The following PWWP2A variants were observed in gnomAD, a reference collection of about 807,000 sequenced individuals.
PWWP2A encodes PWWP domain containing 2A, also known as PWWP domain-containing protein 2A.
In PWWP2A, 18 loss-of-function variants were observed where a neutral mutation model predicts 48.5. The ratio of observed to expected loss-of-function variants is 0.37; its 90% CI spans 0.26 to 0.55. The LOEUF is 0.55. Ranked by LOEUF, PWWP2A falls within the 20% of genes least tolerant of loss-of-function variation. PWWP2A has a pLI of 0.81. For synonymous variants in PWWP2A, 396 were observed against 387.7 expected (o/e 1.02, Z -0.25); for missense variants, 867 against 976.4 (o/e 0.89, Z 1.49).
At chr5:160,079,516 C>T (rs1317564585) in intron 3 of PWWP2A, among the ~76,000 whole-genome samples, 2 of 151,970 alleles carry the variant, frequency 1.3e-5, no homozygotes, top group African/African-American at 4.8e-5. Context: ...AGATACTGTA[C>T]TAATATGATT....
At chr5:160,117,198 G>C (rs939167966) in intron 1 of PWWP2A, among the ~76,000 whole-genome samples, 2 of 152,200 alleles carry the variant, frequency 1.3e-5, no homozygotes, top group African/African-American at 4.8e-5. Context: ...AGTGGCTCAC[G>C]CCTGTAATTT....
rs1251674907 is a variant in PWWP2A at position 160,118,953 on chromosome 5, G to A, written c.436C>T (p.Pro146Ser). 1.3e-6 allele frequency: 2 copies of A among 1,599,240 alleles called. No homozygotes were observed. Among genetic ancestry groups the A allele is most frequent in the South Asian group, 1.1e-5 (1 of 89,650 alleles). The change falls in exon 1 of 2, where the codon CCG becomes TCG. Residue 146 changes from proline to serine, a missense_variant. Transcript: ENST00000307063. ...GACACCGTGGAGTCCCCGCCCGCCG[G>A]CGGCACGAGCGCCGGGGCTACGGGC... ...PQPVAPALVP[P>S]AGGDSTVSQL... is the part of the protein sequence containing the mutation.
chr5:160,051,025 T>G, the PWWP2A span: 2 of 891,996 alleles, frequency 2.2e-6, no homozygotes, highest in Non-Finnish European at 1.7e-6. Context: ...AACTTGATCT[T>G]ATTTCCACAT....
intron 1 of PWWP2A, among the ~76,000 whole-genome samples, chr5:160,096,273 G>C (rs917599321): frequency 5.9e-5 from 9 of 151,866 alleles, no homozygotes; most frequent in African/African-American, 2.2e-4. Context: ...AGTCCAAAAA[G>C]GAAAGGTACC....
intron 1 of PWWP2A, among the ~76,000 whole-genome samples, chr5:160,113,979 C>T (rs1482429766): frequency 6.6e-6 from 1 of 152,012 alleles, no homozygotes. Context: ...CCATTTCCTC[C>T]TGTGTAAATT....
the PWWP2A span, among the ~76,000 whole-genome samples, chr5:160,045,513 CATACACA>C: frequency 2.0e-5 from 1 of 50,320 alleles, no homozygotes; most frequent in Non-Finnish European, 3.9e-5. Context: ...CACACACACA[CATACACA>C]CTCTCTCTCT....
intron 1 of PWWP2A, among the ~76,000 whole-genome samples, chr5:160,099,024 T>C (rs1042029316): frequency 1.3e-5 from 2 of 152,192 alleles, no homozygotes; most frequent in Non-Finnish European, 1.5e-5. Context: ...CCTCGGAGTG[T>C]TTGCAGTGGA....
the PWWP2A span, among the ~76,000 whole-genome samples, chr5:160,052,710 C>G: frequency 6.6e-6 from 1 of 152,250 alleles, no homozygotes; most frequent in Admixed American, 6.5e-5. Flanking sequence ...CAAACTGAAT[C>G]TTACTGCCTA....
At chr5:160,065,126 G>C (rs942702432) in intron 4 of PWWP2A, 7 of 1,581,294 alleles carry the variant, frequency 4.4e-6, no homozygotes, top group Non-Finnish European at 6.0e-6. Flanking sequence ...TGTTAGCTAG[G>C]GGAAAGGCCC....
At chr5:160,118,305 G>A (rs997149328) in intron 1 of PWWP2A, among the ~76,000 whole-genome samples, 3 of 152,126 alleles carry the variant, frequency 2.0e-5, no homozygotes, top group African/African-American at 7.2e-5. Context: ...TCTTCCCCCT[G>A]TAAGGAGTGA....
At chr5:160,045,219 C>T in the PWWP2A span, among the ~76,000 whole-genome samples, 1 of 152,030 alleles carries the variant, frequency 6.6e-6, no homozygotes, top group Non-Finnish European at 1.5e-5. Flanking sequence ...CCATATGAAA[C>T]AGTTTACTTC....
downstream of PWWP2A, among the ~76,000 whole-genome samples, chr5:160,088,238 G>GT (rs897152620): frequency 6.6e-6 from 1 of 152,014 alleles, no homozygotes; most frequent in Non-Finnish European, 1.5e-5. Context: ...GTTTTGTTTT[G>GT]TTTTTTGGGA....
At chr5:160,066,280 C>CTAGAAAGTG (rs1753604308) in intron 4 of PWWP2A, among the ~76,000 whole-genome samples, 1 of 125,766 alleles carries the variant, frequency 8.0e-6, no homozygotes, top group Non-Finnish European at 1.6e-5. Context: ...CAGCATTATG[C>CTAGAAAGTG]TAGAAAGTGG....
intron 2 of PWWP2A, among the ~76,000 whole-genome samples, chr5:160,086,301 T>C (rs1754634280): frequency 6.6e-6 from 1 of 151,972 alleles, no homozygotes; most frequent in Admixed American, 6.5e-5. Context: ...AAGTTATTGC[T>C]TGAGCCCAGG....
chr5:160,069,961 CTG>C (rs1303462017), intron 2 of PWWP2A, among the ~76,000 whole-genome samples: 1 of 152,234 alleles, frequency 6.6e-6, no homozygotes, highest in African/African-American at 2.4e-5. Context: ...TATTCCCACA[CTG>C]TATCGTAACT....
In PWWP2A at chr5:160,119,255, G is replaced by A; in HGVS notation, c.134C>T (p.Thr45Ile). 7.1e-7 allele frequency: 1 copy of A among 1,410,196 alleles called. No individual in the cohort carries two copies. The highest frequency in any genetic ancestry group is 9.2e-7 in the Non-Finnish European group (1 of 1,092,824). The allele number at this position is 1,410,196 out of a possible 1,614,324, so 87.4% of individuals were successfully genotyped here. ...CTCGCCATCCGGCACAGACGCTTCA[G>A]TGGCCGTGACCGGGAGGGGGTCAGT... ...AGTDPLPVTA[T>I]EASVPDGETD... Residue 45 changes from threonine (T) to isoleucine (I), a missense_variant, in exon 1 of 2, where the codon ACT becomes ATT. Thr to Ile is a moderately conservative substitution (Grantham distance 89). Coordinates refer to ENST00000307063, the MANE Select transcript of PWWP2A (RefSeq NM_001130864.2).
rs188061374 is a variant in PWWP2A at position 160,066,263 on chromosome 5, G to A, written c.*236+285C>T. On this transcript the variant is annotated intron_variant and NMD_transcript_variant, in intron 4 of 5. Coordinates refer to the PWWP2A transcript ENST00000524050. ...TGGTAGTCAGTGTTCGGTGCTTCCT[G>A]TGCAGCCAGCATTATGCTAGAAAGT... Among the ~76,000 whole-genome samples, 5 of 142,540 alleles carry A rather than the reference G, an allele frequency of 3.5e-5. No homozygotes were observed. In the Admixed American group the frequency reaches 3.5e-4, roughly 10 times the overall value. 93.5% of individuals were successfully genotyped at this position (142,540 alleles called of 152,430 possible).
chr5:160,056,620 G>A, the PWWP2A span, among the ~76,000 whole-genome samples: 1 of 152,204 alleles, frequency 6.6e-6, no homozygotes, highest in Non-Finnish European at 1.5e-5. Context: ...CCACTTGGGA[G>A]GCTAAGGTGG....
downstream of PWWP2A, among the ~76,000 whole-genome samples, chr5:160,057,389 G>A (rs1212478305): frequency 6.6e-6 from 1 of 151,730 alleles, no homozygotes; most frequent in Non-Finnish European, 1.5e-5. This position sits in a 1 kb window ranked among gnomAD's most constrained non-coding sequence, Gnocchi z 4.4. Flanking sequence ...TACTAAGTAT[G>A]CAACAGCACT....
Sources: allele counts gnomAD v4.1 joint callset (sites outside exome capture counted in the v4.1 genomes callset), GRCh38; gene constraint gnomAD v4.1.1; non-coding constraint Gnocchi (gnomAD v3.1); transcripts MANE v1.5; gene names NCBI Gene and HGNC (gene_info 2026-07-23, HGNC 2026-07-21).